KLF13: variants seen among roughly 807,000 people sequenced by gnomAD.
KLF13 encodes the protein KLF transcription factor 13, also known as Krueppel-like factor 13.
A neutral mutation model predicts 16.7 loss-of-function variants in KLF13; 8 were observed. The ratio of observed to expected loss-of-function variants is 0.48; its 90% CI spans 0.28 to 0.87. The LOEUF (loss-of-function observed/expected upper bound fraction) is 0.87, where lower values mean the gene tolerates loss of function less well. Among genes scored for constraint, KLF13 ranks in the 40% least tolerant of loss-of-function variants. KLF13 has a pLI of 0.10. For missense variants in KLF13, 447 were observed against 452.2 expected (o/e 0.99, Z 0.10); for synonymous variants, 245 against 208.4 (o/e 1.18, Z -1.51).
At chr15:31,400,933 A>G (rs1172308720) in intron 2 of KLF13, among the ~76,000 whole-genome samples, 1 of 152,082 alleles carries the variant, frequency 6.6e-6, no homozygotes, top group African/African-American at 2.4e-5. Flanking sequence ...TCGCATCGCT[A>G]TCATCTTTTT....
At chr15:31,422,280 A>G (rs893885485) in intron 1 of KLF13, among the ~76,000 whole-genome samples, 4 of 152,172 alleles carry the variant, frequency 2.6e-5, no homozygotes, top group Non-Finnish European at 5.9e-5. Flanking sequence ...AAGACTGGGT[A>G]ATTTATAAAG....
intron 1 of KLF13, among the ~76,000 whole-genome samples, chr15:31,330,097 G>A (rs1220929795): frequency 6.6e-6 from 1 of 152,182 alleles, no homozygotes; most frequent in African/African-American, 2.4e-5. Flanking sequence ...ATAAGTAACT[G>A]GTGTTCCTCA....
chr15:31,403,369 G>A (rs190504108), intron 2 of KLF13: 1 of 152,348 alleles, frequency 6.6e-6, no homozygotes, highest in Non-Finnish European at 1.5e-5. Flanking sequence ...GGCTGGGGAT[G>A]CTTTAGAGGC....
At chr15:31,366,794 C>A (rs141076775) in intron 1 of KLF13, among the ~76,000 whole-genome samples, 76 of 105,930 alleles carry the variant, frequency 7.2e-4, no homozygotes, top group Non-Finnish European at 1.3e-3. Flanking sequence ...GAGTCTGTCC[C>A]CATAACAGCA....
rs1647097113 is a variant in KLF13, at chr15:31,372,076, C to T, written c.644C>T (p.Ala215Val). 4 of 1,612,728 alleles carry T rather than the reference C, an allele frequency of 2.5e-6. No homozygotes were observed. Among genetic ancestry groups the T allele is most frequent in the Non-Finnish European group, 2.5e-6 (3 of 1,179,888 alleles). The change falls in exon 2 of 2, where the codon GCG (alanine) becomes GTG (valine). Residue 215 changes from alanine (A) to valine (V), a missense_variant. Ala to Val is a moderately conservative substitution (Grantham distance 64). This residue lies in a region of KLF13 where 88 missense variants were observed against 169.5 expected (regional missense o/e 0.52). Coordinates refer to ENST00000307145, the MANE Select transcript of KLF13 (RefSeq NM_015995.4). Reference sequence around the variant, plus strand: ...AAGTTCGCGCGCTCCGACGAGCTGGCGCGGCACTACCGCACACACACGGGC... The same window carrying T: ...AAGTTCGCGCGCTCCGACGAGCTGGTGCGGCACTACCGCACACACACGGGC... ...NKKFARSDEL[A>V]RHYRTHTGEK... is the part of the protein sequence containing the mutation.
At chr15:31,407,036 C>A (rs2040137606), downstream of KLF13, among the ~76,000 whole-genome samples, 1 of 152,166 alleles carries the variant, frequency 6.6e-6, no homozygotes. Context: ...TCGTAGGTTC[C>A]AGGGATTAGG....
Position 31,358,472 on chromosome 15 carries a change from CGTT to C in KLF13, c.578-13535_578-13533del, listed in dbSNP as rs1199381402. On this transcript the variant is annotated intron_variant, in intron 1 of 1. Transcript: ENST00000307145. ...CTCATAAATATGTATAGTGATATCT[CGTT>C]GTAATTTGAATTTTCATAATAACAA... Among the ~76,000 whole-genome samples the C allele has an allele frequency of 7.9e-5, 12 of 152,290 alleles. No homozygotes were observed. In the South Asian group the frequency reaches 2.3e-3, roughly 29 times the overall value.
upstream of KLF13, among the ~76,000 whole-genome samples, chr15:31,392,102 C>G (rs2039880121): frequency 6.6e-6 from 1 of 152,112 alleles, no homozygotes; most frequent in Admixed American, 6.5e-5. Context: ...CCATCCCCCT[C>G]GGACCCCGGC....
chr15:31,363,721 G>A (rs1364282847), intron 1 of KLF13, among the ~76,000 whole-genome samples: 1 of 151,984 alleles, frequency 6.6e-6, no homozygotes, highest in Admixed American at 6.6e-5. Flanking sequence ...CCTGACCTCA[G>A]GTGATCCTCC....
intron 1 of KLF13, among the ~76,000 whole-genome samples, chr15:31,343,338 C>T (rs530607190): frequency 9.8e-5 from 15 of 152,360 alleles, no homozygotes; most frequent in South Asian, 2.1e-4. Flanking sequence ...TGCCCCCAGC[C>T]GTAAGGCGGG....
chr15:31,392,344 A>G (rs1172384489), upstream of KLF13, among the ~76,000 whole-genome samples: 1 of 152,154 alleles, frequency 6.6e-6, no homozygotes, highest in African/African-American at 2.4e-5. Context: ...ACTGGGGTAG[A>G]CGCCACCTCT....
downstream of KLF13, among the ~76,000 whole-genome samples, chr15:31,408,425 C>G (rs913615991): frequency 1.3e-5 from 2 of 152,158 alleles, no homozygotes; most frequent in Admixed American, 1.3e-4. Context: ...GGAGTGCCAA[C>G]AGTGTCATCC....
chr15:31,369,245 A>T (rs187848235), intron 1 of KLF13, among the ~76,000 whole-genome samples: 1 of 152,160 alleles, frequency 6.6e-6, no homozygotes, highest in Non-Finnish European at 1.5e-5. Context: ...GGTCAGTTGT[A>T]TGGCCTTTGT....
intron 1 of KLF13, among the ~76,000 whole-genome samples, chr15:31,431,851 C>T (rs1010109526): frequency 2.0e-5 from 3 of 152,184 alleles, no homozygotes; most frequent in Admixed American, 1.3e-4. Flanking sequence ...CTATACCCTG[C>T]GAAGACTTGC....
intron 1 of KLF13, among the ~76,000 whole-genome samples, chr15:31,386,460 T>C (rs1363321743): frequency 2.0e-5 from 3 of 152,158 alleles, no homozygotes; most frequent in Admixed American, 1.3e-4. Context: ...GATCGTGCCA[T>C]TGCACTCCAC....
intron 1 of KLF13, among the ~76,000 whole-genome samples, chr15:31,425,019 A>G (rs1454244963): frequency 6.6e-6 from 1 of 152,132 alleles, no homozygotes; most frequent in Non-Finnish European, 1.5e-5. Context: ...GAAAATTAGG[A>G]AAACATCCCA....
intron 1 of KLF13, among the ~76,000 whole-genome samples, chr15:31,335,987 C>T (rs2038924123): frequency 6.6e-6 from 1 of 152,278 alleles, no homozygotes; most frequent in Non-Finnish European, 1.5e-5. Context: ...GGAGTTGTGT[C>T]ACGTGCTTGT....
At chr15:31,390,806 G>A (rs762920781), upstream of KLF13, among the ~76,000 whole-genome samples, 14 of 151,828 alleles carry the variant, frequency 9.2e-5, no homozygotes, top group African/African-American at 2.4e-5. Context: ...CTCTGTGTTC[G>A]GCATTATCCC....
chr15:31,344,531 G>A (rs1195724267), intron 1 of KLF13, among the ~76,000 whole-genome samples: 1 of 152,230 alleles, frequency 6.6e-6, no homozygotes, highest in African/African-American at 2.4e-5. Context: ...GCTGGCCCAT[G>A]GCGAAAGGGT....
Sources: gnomAD v4.1 joint callset for allele counts (sites outside exome capture counted in the v4.1 genomes callset) on GRCh38, gnomAD v4.1.1 for gene constraint, gnomAD v4.1.1 regional missense constraint, MANE v1.5 for transcripts, NCBI Gene and HGNC (gene_info 2026-07-23, HGNC 2026-07-21) for gene names.